The following APBA3 variants were observed in gnomAD, a reference collection of about 807,000 sequenced individuals.
APBA3 encodes the protein amyloid beta precursor protein binding family A member 3.
APBA3 carries 45 observed loss-of-function variants against 55.9 expected under a neutral mutation model. The observed-to-expected ratio is 0.80, with a 90% confidence interval of 0.63 to 1.03. The LOEUF (loss-of-function observed/expected upper bound fraction) is 1.03. Among genes scored for constraint, APBA3 ranks in the 50% least tolerant of loss-of-function variants. The pLI is 0.00. For missense variants in APBA3, 865 were observed against 820.3 expected (o/e 1.05, Z -0.67); for synonymous variants, 370 against 353.3 (o/e 1.05, Z -0.53).
chr19:3,751,195 A>G lies in APBA3; in HGVS notation c.1650T>C (p.Tyr550=). 2.6e-6 allele frequency: 4 copies of G among 1,552,250 alleles called. No homozygotes were observed. The highest frequency in any genetic ancestry group is 2.6e-6 in the Non-Finnish European group (3 of 1,148,634). The change falls in exon 10 of 11, where the codon TAT becomes TAC. Residue 550 remains tyrosine (Y), a synonymous_variant. Coordinates refer to ENST00000316757, the MANE Select transcript of APBA3 (RefSeq NM_004886.4). ...CCACCCACCACCCGCACACCTCGCC[A>G]TAGGCCTCGGTGAGCAGCTCGATGA... The part of the protein sequence containing the change: ...ARIIELLTEA[Y]GEVHIKTMPA...
chr19:3,756,172 T>C lies in APBA3; in HGVS notation c.617-1832A>G, dbSNP rs536776681. 2.6e-5 allele frequency: 4 copies of C among 152,062 alleles called. No individual in the cohort carries two copies. In the East Asian group the frequency reaches 5.8e-4, roughly 22 times the overall value. 9.4% of individuals were successfully genotyped at this position (152,062 alleles called of 1,614,324 possible). On this transcript the variant is annotated intron_variant, in intron 3 of 10. Coordinates refer to ENST00000316757, the MANE Select transcript of APBA3 (RefSeq NM_004886.4). ...GAAAATACACACTAGATATTGAAGA[T>C]TTGGTATGAAAAAAAGTAATTTAAG...
In APBA3 at chr19:3,753,843, C is replaced by T. The variant is rs1339885551; in HGVS notation, c.933G>A (p.Arg311=). 2 of 1,567,058 alleles carry T rather than the reference C, an allele frequency of 1.3e-6. No individual in the cohort carries two copies. The highest frequency in any genetic ancestry group is 8.6e-7 in the Non-Finnish European group (1 of 1,157,680). The change falls in exon 6 of 11, where the codon CGG becomes CGA. Residue 311 remains arginine, a synonymous_variant. Transcript: ENST00000316757. The part of the protein sequence containing the change: ...GCVLVLMARR[R]LARRPAPQDH... ...CCTGGGGTGCCGGCCTCCGTGCCAGCCGCCGCCGCGCCATCAGCACCAGCA... is the reference window on the plus strand; with the variant it reads ...CCTGGGGTGCCGGCCTCCGTGCCAGTCGCCGCCGCGCCATCAGCACCAGCA...
intron 8 of APBA3, chr19:3,751,829 A>T: frequency 2.1e-6 from 1 of 475,652 alleles, no homozygotes; most frequent in Non-Finnish European, 3.7e-6. Context: ...AAGAGGCTGC[A>T]CGGACTGTGG....
In APBA3 at chr19:3,760,386, G is replaced by A. The variant is rs113480906; in HGVS notation, c.-37-85C>T. ...TCCCAGAATTTTGGGAGGCCCAGAA[G>A]GGCTGACTGAACCCAGGAGTTCAAG... is the stretch of plus-strand genomic sequence containing the variant. On this transcript the variant is annotated intron_variant, in intron 1 of 10. Coordinates refer to ENST00000316757, the MANE Select transcript of APBA3 (RefSeq NM_004886.4). The A allele has an allele frequency of 1.6e-4, 140 of 850,354 alleles. No homozygotes were observed. The African/African-American group carries it at 2.2e-3, about 13-fold the overall frequency. The allele number at this position is 850,354 out of a possible 1,614,324, so 52.7% of individuals were successfully genotyped here. A position where few individuals can be genotyped will look rare whatever the true frequency, so the allele number is the denominator to read the frequency against.
chr19:3,757,878 C>T (rs1420626053), intron 3 of APBA3, among the ~76,000 whole-genome samples: 1 of 152,208 alleles, frequency 6.6e-6, no homozygotes. Flanking sequence ...CCATGGACAA[C>T]ACATGAATAA....
rs770213755 is a variant in APBA3 at position 3,751,260 on chromosome 19, T to C, written c.1585A>G (p.Ile529Val). ...GIRVGHRIIE[I>V]NGQSVVATPH... ...GTGGCCACCACACTCTGCCCATTGA[T>C]CTCAATGATGCGGTGGCCGACGCGG... Residue 529 changes from isoleucine to valine, a missense_variant, in exon 10 of 11, where the codon ATC (isoleucine) becomes GTC (valine). Ile to Val is a conservative substitution (Grantham distance 29, BLOSUM62 3). Coordinates refer to ENST00000316757, the MANE Select transcript of APBA3 (RefSeq NM_004886.4). 47 of 1,546,332 alleles carry C rather than the reference T, an allele frequency of 3.0e-5. No homozygotes were observed. The highest frequency in any genetic ancestry group is 4.1e-5 in the Non-Finnish European group (47 of 1,148,032).
chr19:3,761,313 C>T (rs1384121029), intron 1 of APBA3, among the ~76,000 whole-genome samples: 2 of 152,134 alleles, frequency 1.3e-5, no homozygotes, highest in East Asian at 3.8e-4. Context: ...CCCCCAATAC[C>T]TCCATCCAGA....
chr19:3,754,533 G>T, intron 3 of APBA3, 193 bp from the exon 4 acceptor site: 2 of 677,306 alleles, frequency 3.0e-6, no homozygotes, highest in South Asian at 4.9e-5. Flanking sequence ...AGAACCTTCT[G>T]TCCATCCCTC....
intron 6 of APBA3, chr19:3,753,236 C>T: frequency 1.8e-6 from 1 of 564,784 alleles, no homozygotes; most frequent in South Asian, 2.3e-5. Context: ...GCTCCCTGCG[C>T]ATGGGCTGTG....
At chr19:3,754,543 C>A (rs1311149630) in intron 3 of APBA3, 21 of 615,044 alleles carry the variant, frequency 3.4e-5, no homozygotes, top group Non-Finnish European at 4.8e-5. Context: ...GTCCATCCCT[C>A]AAGGACTCGC....
rs770481992 is a variant in APBA3, at chr19:3,751,263, CAAT to C, written c.1579_1581del (p.Ile527del). 5.0e-5 allele frequency: 78 copies of C among 1,545,994 alleles called. 1 individual carries two copies. The highest frequency in any genetic ancestry group is 3.9e-4 in the Admixed American group (20 of 51,218). On this transcript the variant is annotated inframe_deletion, in exon 10 of 11. Coordinates refer to ENST00000316757, the MANE Select transcript of APBA3 (RefSeq NM_004886.4). The stretch of plus-strand genomic sequence containing the variant: ...GCCACCACACTCTGCCCATTGATCT[CAAT>C]GATGCGGTGGCCGACGCGGATGCCC...
At chr19:3,754,490 G>T in intron 3 of APBA3, 150 bp from the exon 4 acceptor site, 1 of 1,078,078 alleles carries the variant, frequency 9.3e-7, no homozygotes, top group East Asian at 2.8e-5. Context: ...CACTGTTCTA[G>T]AACCATCCAA....
chr19:3,754,839 G>GT (rs1297000081), intron 3 of APBA3: 1 of 153,008 alleles, frequency 6.5e-6, no homozygotes, highest in Non-Finnish European at 1.5e-5. Flanking sequence ...GCTAGTTTTT[G>GT]TATTTTTAGT....
chr19:3,753,082 TC>T (rs1271543996), intron 6 of APBA3, 92 bp from the exon 7 acceptor site: 3 of 1,447,386 alleles, frequency 2.1e-6, no homozygotes, highest in Non-Finnish European at 2.8e-6. Context: ...AGCCCTCCTG[TC>T]CCCACCTGGG....
At position 3,759,613 on chromosome 19, in the gene APBA3, AGAG is replaced by A. The variant is rs1481632898; in HGVS notation, c.577-16_577-14del. On this transcript the variant is annotated splice_polypyrimidine_tract_variant and intron_variant, in intron 2 of 10. Coordinates refer to ENST00000316757, the MANE Select transcript of APBA3 (RefSeq NM_004886.4). The stretch of plus-strand genomic sequence containing the variant: ...GGGTCTCGGGGCTCTGGAAGAAGAT[AGAG>A]GAGGGGCAGGACTGAGTCTCCCTGC... 16 of 1,600,954 alleles carry A rather than the reference AGAG, an allele frequency of 1.0e-5. 1 individual carries two copies. The South Asian group carries it at 1.4e-4, about 14-fold the overall frequency.
chr19:3,753,889 TAGG>T lies in APBA3; in HGVS notation c.884_886del (p.Ser295del). ...CAGCACGCAGCCGATGTCGGCTGTG[TAGG>T]AGATGGTATGCAGGGCGTGGTCCAT... On this transcript the variant is annotated inframe_deletion, in exon 6 of 11. Transcript: ENST00000316757. 2 of 1,558,828 alleles carry T rather than the reference TAGG, an allele frequency of 1.3e-6. No individual in the cohort carries two copies. The highest frequency in any genetic ancestry group is 1.7e-6 in the Non-Finnish European group (2 of 1,151,284).
At position 3,751,422 on chromosome 19, in the gene APBA3, C is replaced by G. The variant is rs1340012268; in HGVS notation, c.1515+12G>C. 6.6e-7 allele frequency: 1 copy of G among 1,525,244 alleles called. No individual in the cohort carries two copies. The highest frequency in any genetic ancestry group is 8.8e-7 in the Non-Finnish European group (1 of 1,140,624). The allele number at this position is 1,525,244 out of a possible 1,614,324, so 94.5% of individuals were successfully genotyped here. A position where few individuals can be genotyped will look rare whatever the true frequency, so the allele number is the denominator to read the frequency against. On this transcript the variant is annotated intron_variant, in intron 9 of 10. Transcript: ENST00000316757. The stretch of plus-strand genomic sequence containing the variant: ...TACCCCCCCACCCCGGGGCCAGGGG[C>G]CGGGGCCTCACGATGCCGTCCTCCA...
intron 1 of APBA3, among the ~76,000 whole-genome samples, chr19:3,760,798 G>A (rs931508083): frequency 2.0e-5 from 3 of 150,286 alleles, no homozygotes; most frequent in African/African-American, 7.3e-5. Context: ...TGTAGTCCCA[G>A]CTACTTGGGA....
intron 3 of APBA3, 32 bp from the exon 4 acceptor site, chr19:3,754,372 AG>A: frequency 1.3e-6 from 2 of 1,537,710 alleles, no homozygotes; most frequent in Admixed American, 2.3e-5. Flanking sequence ...GTCGGCCCCC[AG>A]GGGCCCACTC....
Sources: allele counts gnomAD v4.1 joint callset (sites outside exome capture counted in the v4.1 genomes callset), GRCh38; gene constraint gnomAD v4.1.1; transcripts MANE v1.5; gene names NCBI Gene and HGNC (gene_info 2026-07-23, HGNC 2026-07-21).